The following SLC14A1 variants were observed in gnomAD, a reference collection of about 807,000 sequenced individuals.
SLC14A1 encodes solute carrier family 14 member 1 (Kidd blood group).
SLC14A1 carries 36 observed loss-of-function variants against 39.6 expected under a neutral mutation model. That is an observed-to-expected ratio of 0.91 (90% CI 0.70 to 1.20). The LOEUF (loss-of-function observed/expected upper bound fraction) is 1.20, where lower values mean the gene tolerates loss of function less well. SLC14A1 is among the 50% of genes most tolerant of loss of function. SLC14A1 has a pLI of 0.00. For synonymous variants in SLC14A1, 164 were observed against 173.6 expected (o/e 0.94, Z 0.43); for missense variants, 469 against 478.7 (o/e 0.98, Z 0.19).
chr18:45,747,652 G>A (rs1357968977), intron 8 of SLC14A1, among the ~76,000 whole-genome samples: 1 of 152,040 alleles, frequency 6.6e-6, no homozygotes, highest in Non-Finnish European at 1.5e-5. Flanking sequence ...CAGAGATCAC[G>A]CCAGTGCCCT....
At position 45,739,313 on chromosome 18, in the gene SLC14A1, G is replaced by A; in HGVS notation, c.811+3G>A. 6.2e-7 allele frequency: 1 copy of A among 1,614,098 alleles called. No homozygotes were observed. Among genetic ancestry groups the A allele is most frequent in the South Asian group, 1.1e-5 (1 of 91,072 alleles). On this transcript the variant is annotated splice_donor_region_variant and intron_variant, in intron 7 of 9. Coordinates refer to ENST00000321925, the MANE Select transcript of SLC14A1 (RefSeq NM_015865.7). ...ATCATTGCTGGGCATAGCAGCGGGT[G>A]AGCACAAGAGCCCTTACCAAATATT...
intron 8 of SLC14A1, among the ~76,000 whole-genome samples, chr18:45,740,801 G>C (rs538431683): frequency 2.0e-5 from 3 of 152,150 alleles, no homozygotes; most frequent in Non-Finnish European, 4.4e-5. Context: ...ACCTCCCAAA[G>C]TGCTGGGATT....
In SLC14A1 at chr18:45,750,127, G is replaced by A; in HGVS notation, c.*176G>A. The A allele has an allele frequency of 6.8e-7, 1 of 1,480,240 alleles. No individual in the cohort carries two copies. The highest frequency in any genetic ancestry group is 1.4e-5 in the South Asian group (1 of 72,042). The allele number at this position is 1,480,240 out of a possible 1,614,324, so 91.7% of individuals were successfully genotyped here. A position where few individuals can be genotyped will look rare whatever the true frequency, so the allele number is the denominator to read the frequency against. The stretch of plus-strand genomic sequence containing the variant: ...TCCTTTCAACTCCAGGAATATCCTT[G>A]AGCATATGAGAGTCACATCCAGGTG... On this transcript the variant is annotated 3_prime_UTR_variant, in exon 10 of 10. Transcript: ENST00000321925.
chr18:45,727,392 G>C, intron 2 of SLC14A1: 1 of 1,549,728 alleles, frequency 6.5e-7, no homozygotes, highest in African/African-American at 1.4e-5. Context: ...GCTAAGCTTG[G>C]CCCTGGCAGA....
chr18:45,741,618 G>C (rs190243466), intron 8 of SLC14A1, among the ~76,000 whole-genome samples: 351 of 152,304 alleles, frequency 2.3e-3, no homozygotes, highest in Middle Eastern at 0.014. Context: ...ATGTCATTTT[G>C]TCAAATTCTT....
intron 7 of SLC14A1, 82 bp downstream of exon 7, chr18:45,739,392 TTCC>T: frequency 6.2e-7 from 1 of 1,610,454 alleles, no homozygotes; most frequent in Non-Finnish European, 8.5e-7. Flanking sequence ...GCTCCAGATC[TTCC>T]TTGAGATCTT....
chr18:45,750,927 C>T lies in SLC14A1; in HGVS notation c.*976C>T. 2.0e-6 allele frequency: 2 copies of T among 984,880 alleles called. No homozygotes were observed. Among genetic ancestry groups the T allele is most frequent in the Non-Finnish European group, 2.4e-6 (2 of 829,456 alleles). The allele number at this position is 984,880 out of a possible 1,614,324, so 61.0% of individuals were successfully genotyped here. A position where few individuals can be genotyped will look rare whatever the true frequency, so the allele number is the denominator to read the frequency against. ...TCTTATAAAGACTGAAGGCAAAGGT[C>T]AGATTGCTTACGGGTGTTATTTTTA... On this transcript the variant is annotated 3_prime_UTR_variant, in exon 10 of 10. Transcript: ENST00000321925.
At chr18:45,730,810 C>A (rs2047006864) in intron 3 of SLC14A1, among the ~76,000 whole-genome samples, 1 of 152,092 alleles carries the variant, frequency 6.6e-6, no homozygotes, top group Non-Finnish European at 1.5e-5. Context: ...CTAGGAGGGG[C>A]AGTGTGGGTT....
chr18:45,752,308 A>G lies in SLC14A1; in HGVS notation c.*2357A>G, dbSNP rs564439237. ...ATGGACCCGAGTCGATCTTCAGAAC[A>G]GGGATCTACCATGCAGGAGCTTCTT... On this transcript the variant is annotated 3_prime_UTR_variant, in exon 10 of 10. Transcript: ENST00000321925. The G allele has an allele frequency of 2.3e-6, 2 of 881,470 alleles. No individual in the cohort carries two copies. 54.6% of individuals were successfully genotyped at this position (881,470 alleles called of 1,614,324 possible).
rs1297421562 is a variant in SLC14A1, at chr18:45,750,765, C to A, written c.*814C>A. The A allele has an allele frequency of 8.1e-6, 8 of 984,936 alleles. No homozygotes were observed. In the Admixed American group the frequency reaches 3.1e-4, roughly 38 times the overall value. 61.0% of individuals were successfully genotyped at this position (984,936 alleles called of 1,614,324 possible). Reference sequence around the variant, plus strand: ...TTACATATTAAAGAAAAGTTACTTACTGTATTTATGAAATACTCAGCTTAG... The same window carrying A: ...TTACATATTAAAGAAAAGTTACTTAATGTATTTATGAAATACTCAGCTTAG... On this transcript the variant is annotated 3_prime_UTR_variant, in exon 10 of 10. Coordinates refer to ENST00000321925, the MANE Select transcript of SLC14A1 (RefSeq NM_015865.7).
chr18:45,748,365 T>C lies in SLC14A1; in HGVS notation c.947-11T>C, dbSNP rs747068460. The C allele has an allele frequency of 6.8e-6, 11 of 1,614,044 alleles. No individual in the cohort carries two copies. The Admixed American group carries it at 1.8e-4, about 27-fold the overall frequency. On this transcript the variant is annotated splice_polypyrimidine_tract_variant and intron_variant, in intron 8 of 9. Transcript: ENST00000321925. ...GAAGCATTGTTCTTTCCCTCCTTTT[T>C]TTTTCTGTAGCCCTGTTCACGGCCT...
At chr18:45,733,425 G>C (rs1327585391) in intron 4 of SLC14A1, among the ~76,000 whole-genome samples, 6 of 152,182 alleles carry the variant, frequency 3.9e-5, no homozygotes, top group African/African-American at 1.4e-4. Flanking sequence ...CAAAATAGAA[G>C]CATCAGGACA....
chr18:45,734,099 C>A, intron 4 of SLC14A1, 175 bp from the exon 5 acceptor site: 1 of 749,380 alleles, frequency 1.3e-6, no homozygotes, highest in Non-Finnish European at 2.2e-6. Flanking sequence ...ATGTATATTT[C>A]ACTTCATGTC....
In SLC14A1 at chr18:45,751,516, ACCTGTAATC is replaced by A; in HGVS notation, c.*1568_*1576del. On this transcript the variant is annotated 3_prime_UTR_variant, in exon 10 of 10. Transcript: ENST00000321925. ...AAGTCACGTTCAGGGACTGGCTCAC[ACCTGTAATC>A]CCAGCACTTTGGGAGATGGAGGTAA... The A allele has an allele frequency of 1.0e-6, 1 of 982,370 alleles. No homozygotes were observed. Among genetic ancestry groups the A allele is most frequent in the Non-Finnish European group, 1.2e-6 (1 of 828,830 alleles). 60.9% of individuals were successfully genotyped at this position (982,370 alleles called of 1,614,324 possible). A position where few individuals can be genotyped will look rare whatever the true frequency, so the allele number is the denominator to read the frequency against.
chr18:45,744,661 G>C (rs1255685307), intron 8 of SLC14A1, among the ~76,000 whole-genome samples: 1 of 151,754 alleles, frequency 6.6e-6, no homozygotes, highest in Non-Finnish European at 1.5e-5. Context: ...ATGCTAGTAG[G>C]TACTCAAGTC....
chr18:45,740,540 A>G (rs148199815), intron 8 of SLC14A1, among the ~76,000 whole-genome samples: 2,876 of 150,622 alleles, frequency 0.019, 104 homozygotes, highest in African/African-American at 0.065. Context: ...AAAAAAAGAG[A>G]AAAGAAAAAA....
intron 2 of SLC14A1, among the ~76,000 whole-genome samples, chr18:45,728,522 A>G (rs2046934235): frequency 6.6e-6 from 1 of 152,184 alleles, no homozygotes; most frequent in Non-Finnish European, 1.5e-5. Context: ...TATGGCTTTG[A>G]AAATGGGTCA....
At chr18:45,744,178 A>C (rs2047476743) in intron 8 of SLC14A1, among the ~76,000 whole-genome samples, 2 of 152,222 alleles carry the variant, frequency 1.3e-5, no homozygotes, top group Non-Finnish European at 2.9e-5. Context: ...ATGCCCAGCT[A>C]ATTTTTTGTA....
At chr18:45,744,785 A>T (rs922102206) in intron 8 of SLC14A1, among the ~76,000 whole-genome samples, 2 of 152,110 alleles carry the variant, frequency 1.3e-5, no homozygotes, top group African/African-American at 2.4e-5. Context: ...GTATTTGAGT[A>T]CAATACTTTA....
Sources: allele counts gnomAD v4.1 joint callset (sites outside exome capture counted in the v4.1 genomes callset), GRCh38; gene constraint gnomAD v4.1.1; transcripts MANE v1.5; gene names NCBI Gene and HGNC (gene_info 2026-07-23, HGNC 2026-07-21).